Variants in FBXL17 observed in about 807,000 individuals in gnomAD.
FBXL17 encodes F-box/LRR-repeat protein 17.
In FBXL17, 22 loss-of-function variants were observed where a neutral mutation model predicts 66.2. The observed-to-expected ratio is 0.33, with a 90% confidence interval of 0.24 to 0.47. FBXL17 has a LOEUF of 0.47. Among genes scored for constraint, FBXL17 ranks in the 20% least tolerant of loss-of-function variants. The pLI is 1.00. For missense variants in FBXL17, 878 were observed against 948.2 expected (o/e 0.93, Z 0.97); for synonymous variants, 474 against 400.5 (o/e 1.18, Z -2.19).
intron 7 of FBXL17, among the ~76,000 whole-genome samples, chr5:107,900,428 T>C (rs1022835077): frequency 6.6e-6 from 1 of 152,188 alleles, no homozygotes; most frequent in African/African-American, 2.4e-5. Context: ...TATACAGTTA[T>C]AAACAAACTA....
intron 6 of FBXL17, among the ~76,000 whole-genome samples, chr5:108,135,984 A>C (rs1751118504): frequency 6.6e-6 from 1 of 152,140 alleles, no homozygotes; most frequent in Non-Finnish European, 1.5e-5. Flanking sequence ...GGGGTATTTC[A>C]ATCATCAATG....
At chr5:108,367,029 G>A (rs928157990) in intron 2 of FBXL17, among the ~76,000 whole-genome samples, 4 of 151,922 alleles carry the variant, frequency 2.6e-5, no homozygotes, top group African/African-American at 7.3e-5. Flanking sequence ...ATAGAAATTG[G>A]CAAATATTAC....
chr5:108,354,577 CCTGA>C (rs1283188691), intron 3 of FBXL17, among the ~76,000 whole-genome samples: 2 of 151,812 alleles, frequency 1.3e-5, no homozygotes, highest in African/African-American at 4.8e-5. Flanking sequence ...TTGAAGCACT[CCTGA>C]CTAATAATTT....
intron 4 of FBXL17, among the ~76,000 whole-genome samples, chr5:108,331,961 A>G (rs756595805): frequency 6.6e-6 from 1 of 152,246 alleles, no homozygotes; most frequent in Non-Finnish European, 1.5e-5. Context: ...ATAGTAGAGA[A>G]TATCTTAAAA....
At chr5:108,314,913 T>C (rs79655932) in intron 4 of FBXL17, among the ~76,000 whole-genome samples, 4,831 of 151,400 alleles carry the variant, frequency 0.032, 96 homozygotes, top group Non-Finnish European at 0.043. Flanking sequence ...ATGTCTGTTG[T>C]ATTATTAAAG....
chr5:108,039,301 T>A (rs1372378868), intron 6 of FBXL17, among the ~76,000 whole-genome samples: 1 of 152,048 alleles, frequency 6.6e-6, no homozygotes, highest in African/African-American at 2.4e-5. Flanking sequence ...TTTTACAGTT[T>A]TAATAATAAA....
At chr5:108,309,529 G>A (rs1434932740) in intron 4 of FBXL17, among the ~76,000 whole-genome samples, 1 of 151,808 alleles carries the variant, frequency 6.6e-6, no homozygotes, top group Non-Finnish European at 1.5e-5. Flanking sequence ...AATATAGAAA[G>A]CAAGAGAAAA....
chr5:108,292,809 T>A (rs535607377), intron 4 of FBXL17, among the ~76,000 whole-genome samples: 1 of 152,122 alleles, frequency 6.6e-6, no homozygotes, highest in Non-Finnish European at 1.5e-5. Flanking sequence ...TGTAAAAATA[T>A]CTTGTTGAGG....
At chr5:107,991,901 T>A (rs572512198) in intron 7 of FBXL17, among the ~76,000 whole-genome samples, 10 of 152,218 alleles carry the variant, frequency 6.6e-5, no homozygotes, top group Non-Finnish European at 1.5e-4. Flanking sequence ...TATGTAAGCA[T>A]ATCATTGCAT....
At chr5:107,867,291 A>C (rs1376449222) in intron 8 of FBXL17, among the ~76,000 whole-genome samples, 1 of 152,170 alleles carries the variant, frequency 6.6e-6, no homozygotes, top group Non-Finnish European at 1.5e-5. Flanking sequence ...TGCACAGGAG[A>C]CCAAAGCAGC....
chr5:108,214,090 A>G (rs1470814644), intron 5 of FBXL17, among the ~76,000 whole-genome samples: 1 of 152,202 alleles, frequency 6.6e-6, no homozygotes, highest in Non-Finnish European at 1.5e-5. Context: ...CATCACTTTT[A>G]TAACAACATA....
intron 6 of FBXL17, among the ~76,000 whole-genome samples, chr5:108,074,393 G>T (rs1580406284): frequency 6.6e-6 from 1 of 150,878 alleles, no homozygotes. Context: ...GTATTTAATG[G>T]ACTTTCTGCT....
At chr5:107,972,084 A>C (rs1175824304) in intron 7 of FBXL17, among the ~76,000 whole-genome samples, 1 of 152,218 alleles carries the variant, frequency 6.6e-6, no homozygotes, top group Non-Finnish European at 1.5e-5. Flanking sequence ...AATGTGTGTG[A>C]AGGAAGAATA....
chr5:108,090,429 C>T (rs1749144715), intron 6 of FBXL17, among the ~76,000 whole-genome samples: 1 of 152,028 alleles, frequency 6.6e-6, no homozygotes, highest in African/African-American at 2.4e-5. Flanking sequence ...TTTAATGGTC[C>T]CCCCTTTTTT....
intron 8 of FBXL17, chr5:107,878,782 T>A (rs1748691522): frequency 1.0e-6 from 1 of 985,466 alleles, no homozygotes; most frequent in African/African-American, 1.7e-5. Context: ...CTGTCTTCCA[T>A]CCTCACAGAG....
chr5:108,001,213 T>G (rs1753710204), intron 7 of FBXL17, among the ~76,000 whole-genome samples: 1 of 152,100 alleles, frequency 6.6e-6, no homozygotes, highest in East Asian at 1.9e-4. Context: ...GTAAAACACC[T>G]TCAACTACTC....
chr5:108,185,765 C>T (rs561531785), intron 6 of FBXL17, among the ~76,000 whole-genome samples: 8 of 152,158 alleles, frequency 5.3e-5, no homozygotes, highest in Admixed American at 5.2e-4. Flanking sequence ...TAAAATCAAC[C>T]ACAAATGTTG....
chr5:108,019,532 G>A (rs1754507912), intron 7 of FBXL17, among the ~76,000 whole-genome samples: 1 of 151,996 alleles, frequency 6.6e-6, no homozygotes, highest in Non-Finnish European at 1.5e-5. Context: ...GAAAAAGGGG[G>A]AAATATACAA....
chr5:108,161,367 T>C (rs1056542842), intron 6 of FBXL17, among the ~76,000 whole-genome samples: 1 of 152,102 alleles, frequency 6.6e-6, no homozygotes, highest in Admixed American at 6.5e-5. Flanking sequence ...GTGCCTGTAG[T>C]CCCAGCTACT....
Sources: allele counts gnomAD v4.1 joint callset (sites outside exome capture counted in the v4.1 genomes callset), GRCh38; gene constraint gnomAD v4.1.1; transcripts MANE v1.5; gene names NCBI Gene and HGNC (gene_info 2026-07-23, HGNC 2026-07-21).